MROH9: variants seen among roughly 807,000 people sequenced by gnomAD.
MROH9 encodes the protein maestro heat like repeat family member 9, also known as maestro heat-like repeat-containing protein family member 9.
Under a neutral mutation model 98.2 loss-of-function variants are expected in MROH9, and 92 were observed. The observed-to-expected ratio is 0.94, with a 90% CI of 0.79 to 1.11. The LOEUF (loss-of-function observed/expected upper bound fraction) is 1.11. Ranked by LOEUF, MROH9 falls within the 50% of genes most tolerant of loss-of-function variation. MROH9 has a pLI of 0.00. For synonymous variants in MROH9, 397 were observed against 368.9 expected, an observed-to-expected ratio of 1.08 and a Z score of -0.87; for missense variants, 1,057 against 1,014.8, an observed-to-expected ratio of 1.04 and a Z score of -0.57.
At chr1:170,947,678 A>C in intron 3 of MROH9, 105 bp downstream of exon 3, 1 of 1,060,846 alleles carries the variant, frequency 9.4e-7, no homozygotes, top group Admixed American at 2.2e-5. Flanking sequence ...TTTAAAATAC[A>C]TGTGTTGGGG....
chr1:170,958,101 G>T (rs1359708752), intron 3 of MROH9, among the ~76,000 whole-genome samples: 2 of 151,958 alleles, frequency 1.3e-5, no homozygotes, highest in African/African-American at 4.8e-5. Flanking sequence ...GAGCCACCAC[G>T]CCCGGCGCTG....
At chr1:170,947,358 C>A (rs1270062546) in intron 2 of MROH9, among the ~76,000 whole-genome samples, 169 bp from the exon 3 acceptor site, 1 of 151,624 alleles carries the variant, frequency 6.6e-6, no homozygotes, top group Non-Finnish European at 1.5e-5. Flanking sequence ...TAAGTGTTGT[C>A]CAGTAATACT....
At chr1:170,945,687 T>C in intron 2 of MROH9, 106 bp downstream of exon 2, 2 of 976,162 alleles carry the variant, frequency 2.0e-6, no homozygotes, top group Non-Finnish European at 1.5e-6. Flanking sequence ...TCTGTAACCA[T>C]GATAACAAAG....
chr1:170,997,058 G>A (rs897634876), intron 14 of MROH9, among the ~76,000 whole-genome samples: 13 of 152,084 alleles, frequency 8.5e-5, no homozygotes, highest in African/African-American at 3.1e-4. Context: ...GAAAAGAATA[G>A]AAGAGAACTT....
chr1:170,968,256 A>G (rs926223741), intron 7 of MROH9, among the ~76,000 whole-genome samples: 2 of 152,198 alleles, frequency 1.3e-5, no homozygotes, highest in African/African-American at 4.8e-5. Context: ...ATTAATTGAA[A>G]ACATGTACAG....
chr1:170,966,355 C>A (rs1043413035), intron 7 of MROH9, among the ~76,000 whole-genome samples: 1 of 152,054 alleles, frequency 6.6e-6, no homozygotes, highest in Non-Finnish European at 1.5e-5. Flanking sequence ...TACCTATGAA[C>A]ATTTCCCTTT....
intron 1 of MROH9, among the ~76,000 whole-genome samples, chr1:170,945,101 T>C (rs555415582): frequency 2.2e-4 from 33 of 152,010 alleles, no homozygotes; most frequent in Middle Eastern, 3.4e-3. Context: ...GAACAGGTCA[T>C]ATGGCAAGAA....
chr1:171,025,777 C>G (rs1252043742), intron 20 of MROH9, among the ~76,000 whole-genome samples: 1 of 152,044 alleles, frequency 6.6e-6, no homozygotes, highest in Admixed American at 6.5e-5. Flanking sequence ...CAAACTTGGA[C>G]ATCTGTAACC....
At position 170,964,725 on chromosome 1, in the gene MROH9, A is replaced by G. The variant is rs536445437; in HGVS notation, c.376-426A>G. ...GGTGAATTGGCAGAGGAATTCTGGA[A>G]TAAGATGATATTGCAGGATCAGACA... On this transcript the variant is annotated intron_variant, in intron 6 of 21. Coordinates refer to ENST00000367759, the MANE Select transcript of MROH9 (RefSeq NM_001163629.2). Among the ~76,000 whole-genome samples, 6 of 152,220 alleles carry G rather than the reference A, an allele frequency of 3.9e-5. No homozygotes were observed. The South Asian group carries it at 1.2e-3, about 32-fold the overall frequency.
chr1:170,971,588 T>C (rs899137480), intron 7 of MROH9, among the ~76,000 whole-genome samples, 160 bp from the exon 8 acceptor site: 5 of 152,216 alleles, frequency 3.3e-5, no homozygotes, highest in Non-Finnish European at 7.3e-5. Context: ...GATGAGGAAA[T>C]TGAGAGTCAG....
At chr1:170,976,366 C>T (rs1012708187) in intron 8 of MROH9, among the ~76,000 whole-genome samples, 1 of 151,194 alleles carries the variant, frequency 6.6e-6, no homozygotes, top group Admixed American at 6.6e-5. Flanking sequence ...TCAGCATTTG[C>T]TTGTCTAAAA....
intron 8 of MROH9, among the ~76,000 whole-genome samples, chr1:170,973,990 T>C (rs1025422523): frequency 6.6e-6 from 1 of 152,180 alleles, no homozygotes; most frequent in Non-Finnish European, 1.5e-5. Flanking sequence ...AAAAGACTTA[T>C]ATTGAACCTC....
At chr1:170,936,592 G>T (rs1348191818) in intron 1 of MROH9, among the ~76,000 whole-genome samples, 1 of 152,126 alleles carries the variant, frequency 6.6e-6, no homozygotes, top group African/African-American at 2.4e-5. Context: ...CACTCAGTTT[G>T]ACACGTAATA....
intron 20 of MROH9, among the ~76,000 whole-genome samples, chr1:171,038,481 T>C (rs1488561560): frequency 1.3e-5 from 2 of 152,156 alleles, no homozygotes; most frequent in Non-Finnish European, 2.9e-5. Context: ...TTCTTTTGAC[T>C]CAGTAATCTC....
rs1352403737 is a variant in MROH9 at position 171,024,496 on chromosome 1, C to T, written c.2010C>T (p.Gly670=). 3 of 1,546,404 alleles carry T rather than the reference C, an allele frequency of 1.9e-6. No homozygotes were observed. The African/African-American group carries it at 4.1e-5, about 21-fold the overall frequency. Residue 670 remains glycine, a synonymous_variant, in exon 18 of 22, where the codon GGC becomes GGT. Transcript: ENST00000367759. ...TWMVNDVVLE[G]LVPLILFLED... is the part of the protein sequence containing the mutation. ...TGGTGAATGATGTGGTTCTAGAAGG[C>T]TTGGTGCCCCTAATCCTATTTTTGG...
chr1:170,982,370 C>A (rs758837440), intron 8 of MROH9, among the ~76,000 whole-genome samples: 1 of 152,076 alleles, frequency 6.6e-6, no homozygotes, highest in African/African-American at 2.4e-5. Context: ...ATGGTATGAT[C>A]CACTTATATA....
At chr1:170,992,076 C>T in intron 11 of MROH9, 88 bp from the exon 12 acceptor site, 3 of 1,361,546 alleles carry the variant, frequency 2.2e-6, no homozygotes, top group Non-Finnish European at 1.9e-6. Flanking sequence ...AATGTAAAAC[C>T]AAGACTATTT....
At chr1:170,975,951 T>C (rs372956056) in intron 8 of MROH9, among the ~76,000 whole-genome samples, 16 of 152,338 alleles carry the variant, frequency 1.1e-4, no homozygotes, top group African/African-American at 3.8e-4. Flanking sequence ...AAGTCTATTT[T>C]GCCTGAGATT....
At chr1:170,959,247 C>T (rs1010784946) in intron 4 of MROH9, among the ~76,000 whole-genome samples, 3 of 151,950 alleles carry the variant, frequency 2.0e-5, no homozygotes, top group East Asian at 3.9e-4. Context: ...TGGTGGCGGG[C>T]GCCTGTAGTC....
Sources: gnomAD v4.1 joint callset for allele counts (sites outside exome capture counted in the v4.1 genomes callset) on GRCh38, gnomAD v4.1.1 for gene constraint, MANE v1.5 for transcripts, NCBI Gene and HGNC (gene_info 2026-07-23, HGNC 2026-07-21) for gene names.